RSF1: variants seen among roughly 807,000 people sequenced by gnomAD.
RSF1 encodes HBV pX-associated protein 8.
A neutral mutation model predicts 145.2 loss-of-function variants in RSF1; 13 were observed. The ratio of observed to expected loss-of-function variants is 0.09; its 90% CI spans 0.06 to 0.14. RSF1 has a LOEUF of 0.14. Among genes scored for constraint, RSF1 ranks in the 10% least tolerant of loss-of-function variants. The probability of loss-of-function intolerance (pLI) is 1.00; values close to 1 mark genes in which losing one functional copy is unlikely to be tolerated. For missense variants in RSF1, 1,517 were observed against 1,718.2 expected (o/e 0.88, Z 2.07); for synonymous variants, 577 against 592.6 (o/e 0.97, Z 0.38).
chr11:77,806,344 A>G (rs527481953), intron 1 of RSF1, among the ~76,000 whole-genome samples: 3 of 152,340 alleles, frequency 2.0e-5, no homozygotes, highest in African/African-American at 7.2e-5. Context: ...ATAAAAAGTA[A>G]TAAGCTTAGA....
chr11:77,795,674 A>G (rs1948565102), intron 1 of RSF1, among the ~76,000 whole-genome samples: 1 of 152,234 alleles, frequency 6.6e-6, no homozygotes, highest in Non-Finnish European at 1.5e-5. Flanking sequence ...ATGCAGAAGA[A>G]TAAAACTGGA....
At chr11:77,737,912 G>A (rs1961405581) in intron 4 of RSF1, among the ~76,000 whole-genome samples, 1 of 152,206 alleles carries the variant, frequency 6.6e-6, no homozygotes, top group Non-Finnish European at 1.5e-5. Flanking sequence ...GGCAGATCAC[G>A]AGGTCAGGAG....
chr11:77,809,636 C>A (rs754185465), intron 1 of RSF1, among the ~76,000 whole-genome samples: 16 of 152,168 alleles, frequency 1.1e-4, no homozygotes, highest in African/African-American at 3.9e-4. Flanking sequence ...TGTCTGAATT[C>A]AGATGCCAGA....
Position 77,735,057 on chromosome 11 carries a change from G to A in RSF1, c.578+5674C>T. The A allele has an allele frequency of 4.7e-6, 6 of 1,277,314 alleles. No individual in the cohort carries two copies. In the South Asian group the frequency reaches 4.8e-5, roughly 10 times the overall value. The allele number at this position is 1,277,314 out of a possible 1,614,324, so 79.1% of individuals were successfully genotyped here. On this transcript the variant is annotated intron_variant, in intron 4 of 15. Transcript: ENST00000308488. ...CGACTAAGGAGAGGTGGCGGCGGTG[G>A]CAGTGGCTGCGTGGCGCTGGGGCGG...
chr11:77,684,968 C>T, intron 10 of RSF1, 137 bp downstream of exon 10: 2 of 417,920 alleles, frequency 4.8e-6, no homozygotes, highest in Non-Finnish European at 8.2e-6. Flanking sequence ...GTCTGGGCAA[C>T]AAGAACGAAA....
At chr11:77,757,030 G>C (rs931350079) in intron 2 of RSF1, among the ~76,000 whole-genome samples, 1 of 152,314 alleles carries the variant, frequency 6.6e-6, no homozygotes, top group East Asian at 1.9e-4. Flanking sequence ...TCAAGCCAAG[G>C]GGTGAAGGGA....
intron 1 of RSF1, among the ~76,000 whole-genome samples, chr11:77,796,072 T>C (rs1484872189): frequency 6.6e-6 from 1 of 152,210 alleles, no homozygotes; most frequent in Non-Finnish European, 1.5e-5. Context: ...TATCGTTTCT[T>C]CTTGTGTCTA....
At chr11:77,854,074 T>C in the RSF1 span, among the ~76,000 whole-genome samples, 1 of 141,334 alleles carries the variant, frequency 7.1e-6, no homozygotes, top group Middle Eastern at 4.1e-3. Flanking sequence ...CACTGCAACC[T>C]CCACCTCCCA....
At chr11:77,810,437 A>C (rs1948719435) in intron 1 of RSF1, among the ~76,000 whole-genome samples, 1 of 152,254 alleles carries the variant, frequency 6.6e-6, no homozygotes, top group South Asian at 2.1e-4. Context: ...CAAGAGGAGT[A>C]ATTAATACTA....
upstream of RSF1, among the ~76,000 whole-genome samples, chr11:77,823,984 C>T (rs567370422): frequency 3.9e-5 from 6 of 151,976 alleles, no homozygotes; most frequent in South Asian, 1.2e-3. Context: ...GTCAAACAGA[C>T]TGATAAATAA....
chr11:77,706,930 G>GT (rs1960566259), intron 5 of RSF1, among the ~76,000 whole-genome samples: 1 of 152,058 alleles, frequency 6.6e-6, no homozygotes, highest in Non-Finnish European at 1.5e-5. Context: ...CTTCAGAAGA[G>GT]TAATACCAGG....
At chr11:77,694,903 GTTTGATGTTTACTCATGAT>G (rs1423326758) in intron 7 of RSF1, among the ~76,000 whole-genome samples, 1 of 152,168 alleles carries the variant, frequency 6.6e-6, no homozygotes, top group Non-Finnish European at 1.5e-5. Context: ...ATTTGAGTTT[GTTTGATGTTTACTCATGAT>G]TAGACTGGGG....
chr11:77,720,625 A>G (rs888122735), intron 5 of RSF1, among the ~76,000 whole-genome samples: 3 of 152,218 alleles, frequency 2.0e-5, no homozygotes, highest in Admixed American at 2.0e-4. Flanking sequence ...CCCTAATATA[A>G]GTGGGATACA....
intron 1 of RSF1, among the ~76,000 whole-genome samples, chr11:77,791,024 T>C (rs2135966678): frequency 6.6e-6 from 1 of 152,328 alleles, no homozygotes; most frequent in Non-Finnish European, 1.5e-5. Context: ...GTGCCCCAGG[T>C]AGGGGATCTG....
chr11:77,871,744 T>A, the RSF1 span, among the ~76,000 whole-genome samples: 1 of 152,242 alleles, frequency 6.6e-6, no homozygotes, highest in African/African-American at 2.4e-5. Flanking sequence ...AACTCAAACA[T>A]TTAACATTTA....
intron 13 of RSF1, among the ~76,000 whole-genome samples, chr11:77,675,656 T>C (rs532982580): frequency 3.7e-4 from 57 of 152,312 alleles, no homozygotes; most frequent in African/African-American, 1.2e-3. Flanking sequence ...TCATTTCTCA[T>C]ATCCAATAAA....
At chr11:77,845,502 C>T in the RSF1 span, among the ~76,000 whole-genome samples, 1 of 152,072 alleles carries the variant, frequency 6.6e-6, no homozygotes, top group Admixed American at 6.6e-5. Context: ...ACAATTTCAG[C>T]TCACTGCAAC....
intron 3 of RSF1, among the ~76,000 whole-genome samples, chr11:77,744,953 T>C (rs536783950): frequency 1.3e-5 from 2 of 152,312 alleles, no homozygotes; most frequent in South Asian, 4.1e-4. Context: ...GATGGGACAT[T>C]TTTTACTACT....
chr11:77,831,142 C>T, the RSF1 span, among the ~76,000 whole-genome samples: 1 of 152,076 alleles, frequency 6.6e-6, no homozygotes, highest in African/African-American at 2.4e-5. Context: ...AAGACCCTGT[C>T]TCAGAAAAAA....
Sources: gnomAD v4.1 joint callset for allele counts (sites outside exome capture counted in the v4.1 genomes callset) on GRCh38, gnomAD v4.1.1 for gene constraint, MANE v1.5 for transcripts, NCBI Gene and HGNC (gene_info 2026-07-23, HGNC 2026-07-21) for gene names.